Variants in ERI1 observed in about 807,000 individuals in gnomAD.
ERI1 encodes the protein 3'-5' exoribonuclease 1.
In ERI1, 39 loss-of-function variants were observed where a neutral mutation model predicts 39.7. The observed-to-expected ratio is 0.98, with a 90% CI of 0.76 to 1.28. ERI1 has a LOEUF of 1.28. Ranked by LOEUF, ERI1 falls within the 50% of genes most tolerant of loss-of-function variation. The pLI, the probability that ERI1 is intolerant of heterozygous loss-of-function variation, is 0.00. For missense variants in ERI1, 581 were observed against 416.9 expected, an observed-to-expected ratio of 1.39 and a Z score of -3.43; for synonymous variants, 204 against 149.6, an observed-to-expected ratio of 1.36 and a Z score of -2.65.
chr8:9,049,469 G>A (rs760237245), intron 3 of ERI1, among the ~76,000 whole-genome samples: 10 of 151,396 alleles, frequency 6.6e-5, no homozygotes, highest in Non-Finnish European at 8.8e-5. Context: ...AAGGGAGTGC[G>A]GGGAGTCCTG....
At chr8:9,003,342 G>A (rs969534502) in intron 1 of ERI1, among the ~76,000 whole-genome samples, 171 bp downstream of exon 1, 11 of 152,322 alleles carry the variant, frequency 7.2e-5, no homozygotes, top group Non-Finnish European at 1.5e-4. Flanking sequence ...TGGGTGTCTT[G>A]GAGCCCCCTC....
chr8:9,090,830 G>A (rs1215918569), intron 3 of ERI1, among the ~76,000 whole-genome samples: 1 of 152,166 alleles, frequency 6.6e-6, no homozygotes, highest in Non-Finnish European at 1.5e-5. Context: ...TGCAATTTGA[G>A]AGGCTTGAGA....
intron 3 of ERI1, among the ~76,000 whole-genome samples, chr8:9,048,252 A>C (rs746235877): frequency 1.3e-5 from 2 of 150,668 alleles, no homozygotes; most frequent in South Asian, 4.3e-4. Flanking sequence ...CATCGATCTG[A>C]GAGCAGCTTG....
chr8:9,017,501 G>C (rs983833798), intron 4 of ERI1, among the ~76,000 whole-genome samples: 1 of 152,164 alleles, frequency 6.6e-6, no homozygotes, highest in African/African-American at 2.4e-5. Flanking sequence ...ACGTATGTCT[G>C]TGCAGTGGTC....
Position 9,067,382 on chromosome 8 carries a change from A to ATGTGTGTG in ERI1, n.299+46949_299+46956dup, listed in dbSNP as rs10551937. Among the ~76,000 whole-genome samples, 1,379 of 143,988 alleles carry ATGTGTGTG rather than the reference A, an allele frequency of 9.6e-3. 15 individuals carry two copies. The highest frequency in any genetic ancestry group is 0.015 in the African/African-American group (594 of 38,782). 94.5% of individuals were successfully genotyped at this position (143,988 alleles called of 152,430 possible). A position where few individuals can be genotyped will look rare whatever the true frequency, so the allele number is the denominator to read the frequency against. ...GGGATTTCATTTTTAACCTGTGTGC[A>ATGTGTGTG]TGTGTGTGTGTGTGTGTGTGTGTGT... is the stretch of plus-strand genomic sequence containing the variant. On this transcript the variant is annotated intron_variant and non_coding_transcript_variant, in intron 3 of 3. Coordinates refer to the ERI1 transcript ENST00000518663.
chr8:9,065,233 A>G (rs890537965), intron 3 of ERI1, among the ~76,000 whole-genome samples: 27 of 152,206 alleles, frequency 1.8e-4, no homozygotes, highest in Non-Finnish European at 3.4e-4. Flanking sequence ...ATGTACAAAA[A>G]AAGTTACTGG....
intron 3 of ERI1, among the ~76,000 whole-genome samples, chr8:9,038,883 G>A (rs1054209572): frequency 1.3e-5 from 2 of 152,112 alleles, no homozygotes; most frequent in East Asian, 1.9e-4. Context: ...AATGAAAGGG[G>A]GTCCAGCATC....
intron 6 of ERI1, among the ~76,000 whole-genome samples, 181 bp from the exon 7 acceptor site, chr8:9,029,611 G>A (rs111744131): frequency 0.012 from 1,890 of 152,310 alleles, 38 homozygotes; most frequent in South Asian, 0.089. Flanking sequence ...GATTACAGGC[G>A]TGAGCCACCT....
chr8:9,047,492 T>C (rs1048616797), intron 3 of ERI1, among the ~76,000 whole-genome samples: 1 of 150,782 alleles, frequency 6.6e-6, no homozygotes, highest in East Asian at 2.0e-4. Context: ...CTGGGCAACA[T>C]AGCAAGACCC....
intron 3 of ERI1, among the ~76,000 whole-genome samples, chr8:9,014,090 T>C (rs1194135576): frequency 1.3e-5 from 2 of 152,200 alleles, no homozygotes. Context: ...TAACTCAGAG[T>C]ACAACCAATA....
At chr8:9,033,361 T>C (rs1797722936), downstream of ERI1, 1 of 152,252 alleles carries the variant, frequency 6.6e-6, no homozygotes, top group Admixed American at 6.5e-5. Flanking sequence ...TTTGTTTTCA[T>C]GTCATCTCTG....
At chr8:9,016,709 A>G (rs1463711551) in intron 4 of ERI1, among the ~76,000 whole-genome samples, 1 of 152,122 alleles carries the variant, frequency 6.6e-6, no homozygotes, top group African/African-American at 2.4e-5. Flanking sequence ...TTTTTTTGAG[A>G]CAGTCTCACT....
chr8:9,094,483 C>G (rs1799811334), intron 3 of ERI1, among the ~76,000 whole-genome samples: 1 of 152,166 alleles, frequency 6.6e-6, no homozygotes, highest in Non-Finnish European at 1.5e-5. Context: ...CACCATCTGC[C>G]CCACCTGTTT....
intron 3 of ERI1, among the ~76,000 whole-genome samples, chr8:9,087,824 G>C (rs1799579390): frequency 6.6e-6 from 1 of 152,136 alleles, no homozygotes; most frequent in South Asian, 2.1e-4. Context: ...TTCAGGTAGG[G>C]ACAACACATT....
chr8:9,051,974 A>G (rs1284004199), intron 3 of ERI1, among the ~76,000 whole-genome samples: 1 of 152,266 alleles, frequency 6.6e-6, no homozygotes, highest in Non-Finnish European at 1.5e-5. Flanking sequence ...ATGCCACAAA[A>G]TAAGTGACCT....
chr8:9,086,659 T>C (rs1160096571), intron 3 of ERI1, among the ~76,000 whole-genome samples: 1 of 152,238 alleles, frequency 6.6e-6, no homozygotes, highest in African/African-American at 2.4e-5. Flanking sequence ...AAGAAGCCTG[T>C]TGGTTTCAGC....
chr8:9,043,456 G>A (rs1798085756), intron 3 of ERI1, among the ~76,000 whole-genome samples: 1 of 152,208 alleles, frequency 6.6e-6, no homozygotes, highest in South Asian at 2.1e-4. Context: ...AGAGCTCAGA[G>A]GAAGTGGTGG....
intron 3 of ERI1, among the ~76,000 whole-genome samples, chr8:9,077,082 T>A (rs189667102): frequency 5.3e-5 from 8 of 152,364 alleles, no homozygotes; most frequent in Admixed American, 4.6e-4. Flanking sequence ...CTGGTCAGAA[T>A]GTTTATTAGC....
intron 3 of ERI1, among the ~76,000 whole-genome samples, chr8:9,083,885 C>G (rs1335256217): frequency 6.6e-6 from 1 of 152,168 alleles, no homozygotes; most frequent in Non-Finnish European, 1.5e-5. Flanking sequence ...ACTCCGCCTC[C>G]TGGGTTCACG....
Sources: allele counts gnomAD v4.1 joint callset (sites outside exome capture counted in the v4.1 genomes callset), GRCh38; gene constraint gnomAD v4.1.1; transcripts MANE v1.5; gene names NCBI Gene and HGNC (gene_info 2026-07-23, HGNC 2026-07-21).